PPP1R16B: variants seen among roughly 807,000 people sequenced by gnomAD.
The protein encoded by PPP1R16B is protein phosphatase 1 regulatory inhibitor subunit 16B.
In PPP1R16B, 14 loss-of-function variants were observed where a neutral mutation model predicts 61.7. The observed-to-expected ratio is 0.23, with a 90% CI of 0.15 to 0.35. The LOEUF (loss-of-function observed/expected upper bound fraction) is 0.35, where lower values mean the gene tolerates loss of function less well. Among genes scored for constraint, PPP1R16B ranks in the 10% least tolerant of loss-of-function variants. The probability of loss-of-function intolerance (pLI) is 1.00; values close to 1 mark genes in which losing one functional copy is unlikely to be tolerated. For missense variants in PPP1R16B, 547 were observed against 752.5 expected, an observed-to-expected ratio of 0.73 and a Z score of 3.19; for synonymous variants, 266 against 305.3, an observed-to-expected ratio of 0.87 and a Z score of 1.34.
intron 2 of PPP1R16B, among the ~76,000 whole-genome samples, chr20:38,839,345 C>T (rs940006516): frequency 1.3e-5 from 2 of 152,190 alleles, no homozygotes; most frequent in African/African-American, 4.8e-5. Context: ...TGTACCAGCA[C>T]GGTGATAACG....
intron 2 of PPP1R16B, among the ~76,000 whole-genome samples, chr20:38,840,445 T>C (rs1392940923): frequency 3.3e-5 from 5 of 152,188 alleles, no homozygotes; most frequent in African/African-American, 1.2e-4. Context: ...CTGAGCCCCA[T>C]GCTCACTGCT....
chr20:38,848,734 C>T (rs1052105925), intron 2 of PPP1R16B, among the ~76,000 whole-genome samples: 4 of 152,194 alleles, frequency 2.6e-5, no homozygotes, highest in African/African-American at 9.7e-5. Context: ...AGCATGTTCT[C>T]ACTTACAAGT....
rs961379439 is a variant in PPP1R16B at position 38,832,710 on chromosome 20, G to A, written c.-101-3115G>A. Reference sequence around the variant, plus strand: ...GAGGTGGGCAGATTACCTGAGGTCAGCAGTTTGAGACCAGCCTGGCCAACA... The same window carrying A: ...GAGGTGGGCAGATTACCTGAGGTCAACAGTTTGAGACCAGCCTGGCCAACA... On this transcript the variant is annotated intron_variant, in intron 1 of 10. Transcript: ENST00000299824. Among the ~76,000 whole-genome samples the A allele has an allele frequency of 2.6e-5, 4 of 152,098 alleles. No individual in the cohort carries two copies. In the South Asian group the frequency reaches 6.2e-4, roughly 24 times the overall value.
chr20:38,846,443 C>T (rs1362311944), intron 2 of PPP1R16B, among the ~76,000 whole-genome samples: 2 of 152,144 alleles, frequency 1.3e-5, no homozygotes, highest in African/African-American at 4.8e-5. Context: ...ATCATCTACT[C>T]AGAAGGTAGA....
At chr20:38,898,411 G>A (rs2085365726) in intron 4 of PPP1R16B, among the ~76,000 whole-genome samples, 1 of 152,204 alleles carries the variant, frequency 6.6e-6, no homozygotes, top group Non-Finnish European at 1.5e-5. Flanking sequence ...TTGAAATCAG[G>A]AAGTGTGAAT....
intron 1 of PPP1R16B, among the ~76,000 whole-genome samples, chr20:38,823,844 T>C (rs1291724625): frequency 6.6e-6 from 1 of 152,164 alleles, no homozygotes; most frequent in African/African-American, 2.4e-5. Context: ...ATCCTTACTC[T>C]GCATAGATTT....
At chr20:38,888,584 T>C (rs2085264415) in intron 2 of PPP1R16B, among the ~76,000 whole-genome samples, 1 of 152,076 alleles carries the variant, frequency 6.6e-6, no homozygotes, top group Non-Finnish European at 1.5e-5. Context: ...CCCCCTGGAC[T>C]CCTCATCCAC....
intron 10 of PPP1R16B, among the ~76,000 whole-genome samples, chr20:38,909,425 A>G (rs111778260): frequency 0.011 from 1,736 of 152,348 alleles, 34 homozygotes; most frequent in African/African-American, 0.04. Flanking sequence ...ACATTCAGAG[A>G]TTCCAGGTAG....
chr20:38,885,409 G>A (rs1290277039), intron 2 of PPP1R16B, among the ~76,000 whole-genome samples: 7 of 152,166 alleles, frequency 4.6e-5, no homozygotes, highest in East Asian at 1.9e-4. Flanking sequence ...ATTGCAGGGC[G>A]TCTGATACAT....
At chr20:38,816,678 G>A (rs947577153) in intron 1 of PPP1R16B, among the ~76,000 whole-genome samples, 1 of 152,226 alleles carries the variant, frequency 6.6e-6, no homozygotes, top group African/African-American at 2.4e-5. Flanking sequence ...ACAAGGAGCA[G>A]TTGAGAAAAT....
chr20:38,877,723 G>A (rs912105892), intron 2 of PPP1R16B, among the ~76,000 whole-genome samples: 18 of 152,034 alleles, frequency 1.2e-4, no homozygotes, highest in Non-Finnish European at 1.9e-4. Context: ...AGCCCCAGGC[G>A]ACCACTGATC....
intron 2 of PPP1R16B, among the ~76,000 whole-genome samples, chr20:38,878,310 T>C (rs959828486): frequency 3.9e-5 from 6 of 152,078 alleles, no homozygotes; most frequent in Non-Finnish European, 5.9e-5. Flanking sequence ...AAGACCAAAA[T>C]TGAAAGCCAA....
At chr20:38,808,606 TA>T (rs1369848954) in intron 1 of PPP1R16B, among the ~76,000 whole-genome samples, 1 of 90,856 alleles carries the variant, frequency 1.1e-5, no homozygotes, top group Non-Finnish European at 2.3e-5. Flanking sequence ...GATCTATACC[TA>T]AAAGCTCTGT....
At chr20:38,842,344 G>T (rs2084913729) in intron 2 of PPP1R16B, among the ~76,000 whole-genome samples, 1 of 152,172 alleles carries the variant, frequency 6.6e-6, no homozygotes, top group South Asian at 2.1e-4. Context: ...TTTAGCCCCA[G>T]ATATAACTTC....
intron 3 of PPP1R16B, among the ~76,000 whole-genome samples, 166 bp downstream of exon 3, chr20:38,889,831 C>T (rs1439199300): frequency 1.3e-5 from 2 of 152,206 alleles, no homozygotes; most frequent in Non-Finnish European, 2.9e-5. Flanking sequence ...TTTGGAGATA[C>T]GCGTGTCTGT....
At position 38,922,343 on chromosome 20, in the gene PPP1R16B, C is replaced by T. The variant is rs976055557; in HGVS notation, c.*3677C>T. ...TCCTGAGCTCTCTCACCTACCTGCT[C>T]TCTCTCCTAGAGCAGGATACTGGGG... On this transcript the variant is annotated 3_prime_UTR_variant, in exon 11 of 11. Coordinates refer to ENST00000299824, the MANE Select transcript of PPP1R16B (RefSeq NM_015568.4). The T allele has an allele frequency of 6.5e-6, 1 of 152,682 alleles. No homozygotes were observed. The highest frequency in any genetic ancestry group is 2.1e-4 in the South Asian group (1 of 4,830). The allele number at this position is 152,682 out of a possible 1,614,324, so 9.5% of individuals were successfully genotyped here.
chr20:38,906,382 C>T (rs2085443887), intron 7 of PPP1R16B, among the ~76,000 whole-genome samples: 1 of 140,542 alleles, frequency 7.1e-6, no homozygotes. Flanking sequence ...CAACCTCCAT[C>T]TCCTGGGTTC....
chr20:38,922,784 G>C lies in PPP1R16B; in HGVS notation c.*4118G>C, dbSNP rs2085610396. 6.6e-6 allele frequency: 1 copy of C among 152,636 alleles called. No homozygotes were observed. Among genetic ancestry groups the C allele is most frequent in the Non-Finnish European group, 1.5e-5 (1 of 68,038 alleles). 9.5% of individuals were successfully genotyped at this position (152,636 alleles called of 1,614,324 possible). On this transcript the variant is annotated 3_prime_UTR_variant, in exon 11 of 11. Transcript: ENST00000299824. ...CTTTGTGTAAAAATGGCAATCAAGA[G>C]AGTCTAATATATTTAAAACTTTTTT...
intron 2 of PPP1R16B, among the ~76,000 whole-genome samples, chr20:38,872,551 C>T (rs552062758): frequency 2.6e-5 from 4 of 152,154 alleles, no homozygotes; most frequent in Non-Finnish European, 5.9e-5. Context: ...GTTAGACACC[C>T]CCCTCCTGCA....
Sources: gnomAD v4.1 joint callset for allele counts (sites outside exome capture counted in the v4.1 genomes callset) on GRCh38, gnomAD v4.1.1 for gene constraint, MANE v1.5 for transcripts, NCBI Gene and HGNC (gene_info 2026-07-23, HGNC 2026-07-21) for gene names.